The following CCDC91 variants were observed in gnomAD, a reference collection of about 807,000 sequenced individuals.
CCDC91 encodes coiled-coil domain containing 91, also known as coiled-coil domain-containing protein 91.
A neutral mutation model predicts 63.2 loss-of-function variants in CCDC91; 48 were observed. The observed-to-expected ratio is 0.76, with a 90% CI of 0.60 to 0.97. CCDC91 has a LOEUF of 0.97. Ranked by LOEUF, CCDC91 falls within the 50% of genes least tolerant of loss-of-function variation. The pLI is 0.00. For missense variants in CCDC91, 500 were observed against 494.6 expected (o/e 1.01, Z -0.10); for synonymous variants, 167 against 165.8 (o/e 1.01, Z -0.06).
intron 1 of CCDC91, among the ~76,000 whole-genome samples, chr12:28,250,691 A>T (rs1946062878): frequency 6.6e-6 from 1 of 152,090 alleles, no homozygotes; most frequent in Non-Finnish European, 1.5e-5. Flanking sequence ...GCTGTCATTC[A>T]GTCATTTATT....
At chr12:28,347,662 G>A (rs1942903735) in intron 6 of CCDC91, among the ~76,000 whole-genome samples, 1 of 152,136 alleles carries the variant, frequency 6.6e-6, no homozygotes, top group Non-Finnish European at 1.5e-5. Flanking sequence ...TATGAAATGA[G>A]GTTTAAAAAC....
chr12:28,263,548 T>C (rs564775108), intron 3 of CCDC91, among the ~76,000 whole-genome samples: 1 of 152,222 alleles, frequency 6.6e-6, no homozygotes, highest in Non-Finnish European at 1.5e-5. Flanking sequence ...GCCTGAATAA[T>C]ATTCCATTGC....
intron 8 of CCDC91, among the ~76,000 whole-genome samples, chr12:28,428,399 C>T (rs1373536564): frequency 3.3e-5 from 5 of 151,374 alleles, no homozygotes; most frequent in Non-Finnish European, 5.9e-5. Context: ...GGAGAAACAC[C>T]GTCTCTACTA....
chr12:28,380,630 T>C (rs1349622419), intron 7 of CCDC91, among the ~76,000 whole-genome samples: 1 of 152,148 alleles, frequency 6.6e-6, no homozygotes, highest in Non-Finnish European at 1.5e-5. Context: ...ATTTGACCTG[T>C]TCTGATGCAG....
At chr12:28,205,827 A>G (rs1460487310) in intron 1 of CCDC91, among the ~76,000 whole-genome samples, 2 of 152,212 alleles carry the variant, frequency 1.3e-5, no homozygotes, top group African/African-American at 4.8e-5. Context: ...ACAAAGACTC[A>G]AATATACAAG....
intron 8 of CCDC91, among the ~76,000 whole-genome samples, chr12:28,410,361 T>C (rs932092800): frequency 6.6e-6 from 1 of 152,216 alleles, no homozygotes; most frequent in African/African-American, 2.4e-5. Context: ...ATTTTGATTA[T>C]TGTTAGTATG....
chr12:28,420,199 C>T (rs1342426222), intron 8 of CCDC91, among the ~76,000 whole-genome samples: 1 of 152,024 alleles, frequency 6.6e-6, no homozygotes, highest in Non-Finnish European at 1.5e-5. Context: ...GATCTAACTT[C>T]AAAACTTAAA....
chr12:28,327,127 T>C (rs1416421294), intron 6 of CCDC91, among the ~76,000 whole-genome samples: 9 of 151,498 alleles, frequency 5.9e-5, no homozygotes, highest in Non-Finnish European at 1.0e-4. Context: ...CATAGTGATA[T>C]AGGAGTTAAA....
intron 6 of CCDC91, among the ~76,000 whole-genome samples, chr12:28,341,160 T>G (rs533442814): frequency 6.6e-6 from 1 of 152,276 alleles, no homozygotes; most frequent in Admixed American, 6.5e-5. Context: ...TACATCTTCT[T>G]CTGCTGATGT....
chr12:28,403,093 T>C (rs1211826853), intron 8 of CCDC91, among the ~76,000 whole-genome samples: 1 of 152,192 alleles, frequency 6.6e-6, no homozygotes, highest in African/African-American at 2.4e-5. Context: ...TGATTATTGA[T>C]CTATAGTTTT....
At chr12:28,333,719 A>G (rs1941699866) in intron 6 of CCDC91, among the ~76,000 whole-genome samples, 1 of 152,180 alleles carries the variant, frequency 6.6e-6, no homozygotes, top group Non-Finnish European at 1.5e-5. Context: ...CCTTTATTGC[A>G]GCTTTAAATT....
chr12:28,245,871 A>G (rs1279826232), intron 1 of CCDC91, among the ~76,000 whole-genome samples: 1 of 152,156 alleles, frequency 6.6e-6, no homozygotes, highest in African/African-American at 2.4e-5. Flanking sequence ...GTGAAACTAA[A>G]CATAGACAAA....
intron 8 of CCDC91, among the ~76,000 whole-genome samples, chr12:28,393,548 C>T (rs1401486690): frequency 6.6e-6 from 1 of 152,086 alleles, no homozygotes; most frequent in Non-Finnish European, 1.5e-5. Context: ...TCTCTTTTCC[C>T]TAAACCATAT....
intron 12 of CCDC91, among the ~76,000 whole-genome samples, chr12:28,527,714 T>C (rs1421553526): frequency 6.6e-6 from 1 of 152,090 alleles, no homozygotes; most frequent in Non-Finnish European, 1.5e-5. Context: ...AAAGGACCAT[T>C]AGATGGTGGC....
chr12:28,292,210 A>G (rs751935148), intron 3 of CCDC91, among the ~76,000 whole-genome samples: 3 of 152,380 alleles, frequency 2.0e-5, no homozygotes, highest in Non-Finnish European at 4.4e-5. Flanking sequence ...GTATGACATA[A>G]CCACATTAAT....
chr12:28,243,364 A>G (rs1015392760), intron 1 of CCDC91, among the ~76,000 whole-genome samples: 5 of 152,210 alleles, frequency 3.3e-5, no homozygotes, highest in African/African-American at 1.2e-4. Context: ...GAGTGTGACT[A>G]AGCCCAGTTT....
At chr12:28,300,446 T>C (rs1050018299) in intron 3 of CCDC91, among the ~76,000 whole-genome samples, 4 of 151,558 alleles carry the variant, frequency 2.6e-5, no homozygotes. Context: ...CTGTGCCAAA[T>C]AATATACCAT....
chr12:28,518,453 C>T (rs1054338208), intron 12 of CCDC91, among the ~76,000 whole-genome samples: 2 of 131,524 alleles, frequency 1.5e-5, no homozygotes, highest in Non-Finnish European at 3.0e-5. Context: ...TGTATTCATT[C>T]TTTTGATAAT....
At chr12:28,221,701 A>G (rs958834190) in intron 1 of CCDC91, among the ~76,000 whole-genome samples, 2 of 152,162 alleles carry the variant, frequency 1.3e-5, no homozygotes, top group African/African-American at 4.8e-5. Context: ...ATCCACTCTG[A>G]CTGATAGGAA....
Sources: allele counts gnomAD v4.1 joint callset (sites outside exome capture counted in the v4.1 genomes callset), GRCh38; gene constraint gnomAD v4.1.1; transcripts MANE v1.5; gene names NCBI Gene and HGNC (gene_info 2026-07-23, HGNC 2026-07-21).